NXPH1: variants seen among roughly 807,000 people sequenced by gnomAD.
The protein encoded by NXPH1 is neurexophilin-1.
In NXPH1, 5 loss-of-function variants were observed where a neutral mutation model predicts 23.7. The observed-to-expected ratio is 0.21, with a 90% CI of 0.11 to 0.44. The LOEUF (loss-of-function observed/expected upper bound fraction) is 0.44. Ranked by LOEUF, NXPH1 falls within the 20% of genes least tolerant of loss-of-function variation. The probability of loss-of-function intolerance (pLI) is 0.99; values close to 1 mark genes in which losing one functional copy is unlikely to be tolerated. For missense variants in NXPH1, 324 were observed against 321.6 expected (o/e 1.01, Z -0.06); for synonymous variants, 144 against 122.2 (o/e 1.18, Z -1.18).
chr7:8,443,653 T>G (rs1584157887), intron 2 of NXPH1, among the ~76,000 whole-genome samples: 1 of 152,172 alleles, frequency 6.6e-6, no homozygotes, highest in South Asian at 2.1e-4. Context: ...GGACAAACCA[T>G]GGCTAGGCAG....
chr7:8,664,446 T>C (rs936000270), intron 2 of NXPH1, among the ~76,000 whole-genome samples: 1 of 152,120 alleles, frequency 6.6e-6, no homozygotes, highest in Non-Finnish European at 1.5e-5. Context: ...TTGCCTTGAC[T>C]GGCATTTATT....
chr7:8,467,235 A>G (rs1452871090), intron 2 of NXPH1, among the ~76,000 whole-genome samples: 1 of 152,174 alleles, frequency 6.6e-6, no homozygotes, highest in African/African-American at 2.4e-5. Context: ...TTTAACTAAA[A>G]TCTGGTTTAA....
intron 2 of NXPH1, among the ~76,000 whole-genome samples, chr7:8,610,960 G>A (rs1008363611): frequency 2.0e-5 from 3 of 152,100 alleles, no homozygotes; most frequent in African/African-American, 7.2e-5. Flanking sequence ...TAAGGGCCTA[G>A]GCAGCACTTA....
intron 2 of NXPH1, among the ~76,000 whole-genome samples, chr7:8,597,868 T>C (rs1399948858): frequency 6.6e-6 from 1 of 152,082 alleles, no homozygotes; most frequent in African/African-American, 2.4e-5. Context: ...GAAATGCCCT[T>C]TTAGCAAACA....
intron 2 of NXPH1, among the ~76,000 whole-genome samples, chr7:8,535,195 G>A (rs1818009005): frequency 1.3e-5 from 2 of 151,986 alleles, no homozygotes; most frequent in Non-Finnish European, 2.9e-5. Context: ...TATGCATTTG[G>A]TAGTAGTCCT....
At chr7:8,732,945 G>A (rs1468062555) in intron 2 of NXPH1, among the ~76,000 whole-genome samples, 1 of 152,080 alleles carries the variant, frequency 6.6e-6, no homozygotes, top group African/African-American at 2.4e-5. Flanking sequence ...TGTTACATAG[G>A]TATACATGTG....
chr7:8,505,193 G>T (rs1041974277), intron 2 of NXPH1, among the ~76,000 whole-genome samples: 1 of 151,958 alleles, frequency 6.6e-6, no homozygotes, highest in Non-Finnish European at 1.5e-5. Context: ...ACCTACTGCT[G>T]GCTTGATACT....
At chr7:8,695,545 A>G (rs1353932869) in intron 2 of NXPH1, among the ~76,000 whole-genome samples, 1 of 151,910 alleles carries the variant, frequency 6.6e-6, no homozygotes, top group Non-Finnish European at 1.5e-5. Flanking sequence ...CCTTAACTAC[A>G]TTGCTATTTA....
intron 2 of NXPH1, among the ~76,000 whole-genome samples, chr7:8,592,791 G>T (rs983065542): frequency 6.7e-6 from 1 of 150,278 alleles, no homozygotes; most frequent in South Asian, 2.1e-4. Context: ...ACTGAAGTTT[G>T]AATCTTATAT....
chr7:8,717,873 G>A (rs991348513), intron 2 of NXPH1, among the ~76,000 whole-genome samples: 18 of 136,678 alleles, frequency 1.3e-4, no homozygotes, highest in African/African-American at 3.7e-4. Flanking sequence ...GGATCATGTG[G>A]GTGTATTCTT....
chr7:8,588,592 G>C (rs1319038442), intron 2 of NXPH1, among the ~76,000 whole-genome samples: 1 of 152,124 alleles, frequency 6.6e-6, no homozygotes, highest in Non-Finnish European at 1.5e-5. Flanking sequence ...CCTCCAGAGA[G>C]GTACTGACTC....
intron 2 of NXPH1, among the ~76,000 whole-genome samples, chr7:8,571,100 TC>T (rs1243979306): frequency 6.6e-6 from 1 of 151,708 alleles, no homozygotes; most frequent in African/African-American, 2.4e-5. Flanking sequence ...AAATGGGAAT[TC>T]CTGGTCCCAC....
chr7:8,675,791 C>G (rs180993690), intron 2 of NXPH1, among the ~76,000 whole-genome samples: 118 of 152,194 alleles, frequency 7.8e-4, no homozygotes, highest in Middle Eastern at 3.4e-3. Flanking sequence ...ATATGGAGGC[C>G]TTGCATGGAC....
chr7:8,742,798 T>C (rs1185273616), intron 2 of NXPH1, among the ~76,000 whole-genome samples: 1 of 152,204 alleles, frequency 6.6e-6, no homozygotes, highest in East Asian at 1.9e-4. Flanking sequence ...TAAATTAATG[T>C]AAAATTTCAT....
chr7:8,548,510 G>C (rs1003406309), intron 2 of NXPH1, among the ~76,000 whole-genome samples: 4 of 151,528 alleles, frequency 2.6e-5, no homozygotes, highest in African/African-American at 7.3e-5. Context: ...CTGTATAAAT[G>C]CTGGGTAATA....
intron 2 of NXPH1, among the ~76,000 whole-genome samples, chr7:8,696,564 G>A (rs1213701047): frequency 6.6e-6 from 1 of 152,144 alleles, no homozygotes; most frequent in Non-Finnish European, 1.5e-5. Context: ...CTGAATGATA[G>A]GCAAAAGTCA....
At chr7:8,692,332 C>A (rs560662386) in intron 2 of NXPH1, among the ~76,000 whole-genome samples, 1 of 152,244 alleles carries the variant, frequency 6.6e-6, no homozygotes, top group African/African-American at 2.4e-5. Context: ...TATTGAAAAG[C>A]TATTGCACCA....
intron 2 of NXPH1, among the ~76,000 whole-genome samples, chr7:8,741,183 C>T (rs1780354197): frequency 6.6e-6 from 1 of 152,138 alleles, no homozygotes; most frequent in African/African-American, 2.4e-5. Context: ...AGCACAATGT[C>T]CTGTAGGTTC....
intron 2 of NXPH1, among the ~76,000 whole-genome samples, chr7:8,702,568 T>C (rs994609952): frequency 1.3e-5 from 2 of 152,144 alleles, no homozygotes; most frequent in Non-Finnish European, 2.9e-5. Flanking sequence ...TAAAACCATC[T>C]AAATAAAGAT....
Sources: allele counts gnomAD v4.1 joint callset (sites outside exome capture counted in the v4.1 genomes callset), GRCh38; gene constraint gnomAD v4.1.1; transcripts MANE v1.5; gene names NCBI Gene and HGNC (gene_info 2026-07-23, HGNC 2026-07-21).